The following CFAP61 variants were observed in gnomAD, a reference collection of about 807,000 sequenced individuals.
The protein encoded by CFAP61 is cilia- and flagella-associated protein 61.
CFAP61 carries 107 observed loss-of-function variants against 135.6 expected under a neutral mutation model. The ratio of observed to expected loss-of-function variants is 0.79; its 90% CI spans 0.67 to 0.93. The LOEUF is 0.93. CFAP61 is among the 40% of genes least tolerant of loss of function. The pLI, the probability that CFAP61 is intolerant of heterozygous loss-of-function variation, is 0.00. For missense variants in CFAP61, 1,507 were observed against 1,556.2 expected (o/e 0.97, Z 0.53); for synonymous variants, 575 against 578.5 (o/e 0.99, Z 0.09).
intron 26 of CFAP61, among the ~76,000 whole-genome samples, chr20:20,342,231 G>C (rs1367988058): frequency 6.6e-6 from 1 of 152,174 alleles, no homozygotes; most frequent in African/African-American, 2.4e-5. Context: ...CCTCAAGAAC[G>C]AACGTTGCAT....
intron 17 of CFAP61, among the ~76,000 whole-genome samples, chr20:20,224,709 T>C (rs1002037651): frequency 1.3e-5 from 2 of 152,128 alleles, no homozygotes; most frequent in African/African-American, 4.8e-5. Flanking sequence ...ATAATAATAA[T>C]AATCTCTTTG....
At chr20:20,332,708 G>A (rs1002425601) in intron 25 of CFAP61, among the ~76,000 whole-genome samples, 69 of 152,132 alleles carry the variant, frequency 4.5e-4, no homozygotes, top group African/African-American at 1.6e-3. Flanking sequence ...CCTCAAACTC[G>A]GGCTCAAGTG....
At chr20:20,073,432 A>G (rs6035542) in intron 3 of CFAP61, among the ~76,000 whole-genome samples, 14,529 of 152,264 alleles carry the variant, frequency 0.095, 769 homozygotes, top group Middle Eastern at 0.16. Flanking sequence ...GGCACACAGA[A>G]GTGCCACTGG....
intron 10 of CFAP61, among the ~76,000 whole-genome samples, chr20:20,163,357 C>T (rs768849412): frequency 4.1e-4 from 63 of 152,082 alleles, no homozygotes; most frequent in Non-Finnish European, 7.2e-4. Flanking sequence ...CACCTCCCCA[C>T]GATAGTTACT....
Position 20,330,617 on chromosome 20 carries a change from T to C in CFAP61, c.3423-11214T>C, listed in dbSNP as rs185949503. Reference sequence around the variant, plus strand: ...CACCCAAAGTGCTAGTATTAACAGGTGTGAGCCACCACACCTGGCCCAGAC... The same window carrying C: ...CACCCAAAGTGCTAGTATTAACAGGCGTGAGCCACCACACCTGGCCCAGAC... On this transcript the variant is annotated intron_variant, in intron 25 of 26. Coordinates refer to ENST00000245957, the MANE Select transcript of CFAP61 (RefSeq NM_015585.4). Among the ~76,000 whole-genome samples the C allele has an allele frequency of 6.6e-3, 1,005 of 152,182 alleles. 9 individuals carry two copies. The highest frequency in any genetic ancestry group is 0.011 in the Non-Finnish European group (750 of 67,988).
Position 20,086,105 on chromosome 20 carries a change from A to G in CFAP61, c.567-4739A>G, listed in dbSNP as rs552394734. Among the ~76,000 whole-genome samples the G allele has an allele frequency of 1.7e-4, 25 of 150,100 alleles. No homozygotes were observed. The South Asian group carries it at 3.6e-3, about 21-fold the overall frequency. ...TCTTGTCCCTACCTGTTTTTTGTACATGAGAAAACCAAGTCTTAGCATTGA... is the reference window on the plus strand; with the variant it reads ...TCTTGTCCCTACCTGTTTTTTGTACGTGAGAAAACCAAGTCTTAGCATTGA... On this transcript the variant is annotated intron_variant, in intron 6 of 26. Transcript: ENST00000245957.
chr20:20,292,318 G>A (rs2055048802), intron 24 of CFAP61, among the ~76,000 whole-genome samples: 1 of 152,216 alleles, frequency 6.6e-6, no homozygotes, highest in Non-Finnish European at 1.5e-5. Flanking sequence ...GATGCTGTAT[G>A]TTTAAAACTT....
intron 17 of CFAP61, among the ~76,000 whole-genome samples, chr20:20,226,564 C>A (rs775096740): frequency 6.6e-6 from 1 of 152,144 alleles, no homozygotes; most frequent in Non-Finnish European, 1.5e-5. Context: ...GTATGGGTTT[C>A]GGGTAGGGTT....
chr20:20,302,259 G>C (rs537883564), intron 25 of CFAP61, among the ~76,000 whole-genome samples: 6 of 152,134 alleles, frequency 3.9e-5, no homozygotes, highest in Non-Finnish European at 8.8e-5. Flanking sequence ...TAGATTTTCC[G>C]AGTAGAAAAA....
At chr20:20,183,491 A>AC in intron 13 of CFAP61, among the ~76,000 whole-genome samples, 1 of 152,326 alleles carries the variant, frequency 6.6e-6, no homozygotes, top group Middle Eastern at 3.4e-3. Context: ...GAGCTGAGTA[A>AC]AAACCTTTTG....
At chr20:20,308,869 A>G (rs1431230507) in intron 25 of CFAP61, among the ~76,000 whole-genome samples, 2 of 152,190 alleles carry the variant, frequency 1.3e-5, no homozygotes, top group African/African-American at 4.8e-5. Context: ...GTTGAAGGTT[A>G]TTACTTATGA....
intron 26 of CFAP61, among the ~76,000 whole-genome samples, chr20:20,353,712 T>C (rs1285825437): frequency 6.6e-6 from 1 of 152,186 alleles, no homozygotes; most frequent in Admixed American, 6.5e-5. Flanking sequence ...GGACTTACTG[T>C]GACCAAAAGA....
chr20:20,057,133 A>T (rs1223806366), intron 2 of CFAP61, among the ~76,000 whole-genome samples: 3 of 151,600 alleles, frequency 2.0e-5, no homozygotes, highest in Non-Finnish European at 4.4e-5. Flanking sequence ...AAAAAAAAAA[A>T]AAAAAAAAGA....
chr20:20,348,381 C>T (rs1023412756), intron 26 of CFAP61, among the ~76,000 whole-genome samples: 1 of 152,060 alleles, frequency 6.6e-6, no homozygotes, highest in African/African-American at 2.4e-5. Flanking sequence ...CAATGTAATA[C>T]ACCATTTTAA....
chr20:20,082,089 C>A (rs1290168727), intron 6 of CFAP61, among the ~76,000 whole-genome samples: 1 of 152,212 alleles, frequency 6.6e-6, no homozygotes, highest in Non-Finnish European at 1.5e-5. Context: ...CTTAACAACG[C>A]TAGAAAAATG....
intron 18 of CFAP61, among the ~76,000 whole-genome samples, chr20:20,239,896 G>A (rs1011224808): frequency 2.0e-5 from 3 of 152,316 alleles, no homozygotes; most frequent in Admixed American, 6.5e-5. Flanking sequence ...ACAAGATGGT[G>A]AACTAAGGCA....
chr20:20,258,494 G>C (rs574181149), intron 20 of CFAP61: 1 of 152,302 alleles, frequency 6.6e-6, no homozygotes, highest in African/African-American at 2.4e-5. Context: ...CACTCCAGAT[G>C]CGCAGCCAGA....
intron 17 of CFAP61, among the ~76,000 whole-genome samples, chr20:20,211,914 C>T (rs569369924): frequency 3.9e-5 from 6 of 152,308 alleles, no homozygotes; most frequent in Middle Eastern, 3.4e-3. Context: ...CCGCCCTTCA[C>T]GGATCTGTGG....
intron 20 of CFAP61, among the ~76,000 whole-genome samples, chr20:20,254,518 T>A (rs2051356246): frequency 1.3e-5 from 2 of 152,012 alleles, no homozygotes; most frequent in African/African-American, 4.8e-5. Context: ...TTGCCCTTTT[T>A]ACAACGGAAA....
Sources: allele counts gnomAD v4.1 joint callset (sites outside exome capture counted in the v4.1 genomes callset), GRCh38; gene constraint gnomAD v4.1.1; transcripts MANE v1.5; gene names NCBI Gene and HGNC (gene_info 2026-07-23, HGNC 2026-07-21).